Variants in PLA2G6 observed in about 807,000 individuals in gnomAD.
The protein encoded by PLA2G6 is phospholipase A2 group VI.
In PLA2G6, 62 loss-of-function variants were observed where a neutral mutation model predicts 83.8. That is an observed-to-expected ratio of 0.74 (90% confidence interval 0.60 to 0.91). PLA2G6 has a LOEUF of 0.91. Among genes scored for constraint, PLA2G6 ranks in the 40% least tolerant of loss-of-function variants. The pLI, the probability that PLA2G6 is intolerant of heterozygous loss-of-function variation, is 0.00. For synonymous variants in PLA2G6, 417 were observed against 449.8 expected, an observed-to-expected ratio of 0.93 and a Z score of 0.92; for missense variants, 944 against 1,102.0, an observed-to-expected ratio of 0.86 and a Z score of 2.03.
Position 38,123,395 on chromosome 22 carries a change from T to C in PLA2G6, c.1428-137A>G, listed in dbSNP as rs541506726. On this transcript the variant is annotated intron_variant, in intron 10 of 16. Coordinates refer to ENST00000332509, the MANE Select transcript of PLA2G6 (RefSeq NM_003560.4). The surrounding 1 kb of genome is among the most constrained non-coding windows in gnomAD (Gnocchi z 4.1). ...ACGGACCCGAGGAACTTCTGTCCTA[T>C]GCAGGACAGCGAGGGTGGGGGTGAG... 17 of 864,614 alleles carry C rather than the reference T, an allele frequency of 2.0e-5. No homozygotes were observed. Among genetic ancestry groups the C allele is most frequent in the Non-Finnish European group, 3.2e-5 (17 of 534,200 alleles). The allele number at this position is 864,614 out of a possible 1,614,324, so 53.6% of individuals were successfully genotyped here.
intron 2 of PLA2G6, 178 bp from the exon 3 acceptor site, chr22:38,145,831 A>ACC: frequency 1.7e-6 from 1 of 601,374 alleles, no homozygotes; most frequent in East Asian, 3.0e-5. Context: ...ACACACACAC[A>ACC]CACCCCTATA....
At chr22:38,135,485 C>T (rs1323628779) in intron 5 of PLA2G6, 2 of 241,888 alleles carry the variant, frequency 8.3e-6, no homozygotes, top group Non-Finnish European at 1.7e-5. Flanking sequence ...CACAGCCACC[C>T]TCCACCTCCT....
At chr22:38,121,647 G>A (rs1317736392) in intron 11 of PLA2G6, among the ~76,000 whole-genome samples, 1 of 152,184 alleles carries the variant, frequency 6.6e-6, no homozygotes, top group Non-Finnish European at 1.5e-5. Flanking sequence ...GCTGAAAGGA[G>A]GCCATCTGCC....
rs1324916801 is a variant in PLA2G6 at position 38,113,532 on chromosome 22, C to T, written c.2157G>A (p.Lys719=). ...FRPSNPWELA[K]TVFGAKELGK... ...CCAGTTCCTTGGCCCCAAAAACAGTCTTGGCCAGCTCCCAGGGGTTGCTGG... is the reference window on the plus strand; with the variant it reads ...CCAGTTCCTTGGCCCCAAAAACAGTTTTGGCCAGCTCCCAGGGGTTGCTGG... The change falls in exon 15 of 17, where the codon AAG becomes AAA. Residue 719 remains lysine (K), a synonymous_variant. Coordinates refer to ENST00000332509, the MANE Select transcript of PLA2G6 (RefSeq NM_003560.4). The T allele has an allele frequency of 6.2e-7, 1 of 1,613,990 alleles. No homozygotes were observed. Among genetic ancestry groups the T allele is most frequent in the Admixed American group, 1.7e-5 (1 of 60,002 alleles).
chr22:38,123,254 C>G lies in PLA2G6; in HGVS notation c.1432G>C (p.Asp478His), dbSNP rs751693627. The G allele has an allele frequency of 3.8e-6, 6 of 1,558,754 alleles. No homozygotes were observed. The change falls in exon 11 of 17, where the codon GAC (aspartate) becomes CAC (histidine). Residue 478 changes from aspartate (D) to histidine (H), a missense_variant. By Grantham distance (81) the Asp-to-His change is moderately conservative (BLOSUM62 -1). Transcript: ENST00000332509. The surrounding 1 kb of genome is among the most constrained non-coding windows in gnomAD (Gnocchi z 4.1). ...CCTCCATCCAGGCACAGCAGGTGGT[C>G]GTGGCTGCAGTGGGAACAGCAGTGG... ...GSMRDEKRTHDHLLCLDGGGV... is the reference protein window; with the variant it reads ...GSMRDEKRTHHHLLCLDGGGV...
At chr22:38,127,592 GA>G in intron 9 of PLA2G6, 1 of 534,914 alleles carries the variant, frequency 1.9e-6, no homozygotes, top group Non-Finnish European at 3.3e-6. Context: ...TACCCTGGCT[GA>G]AGGTGCTGCC....
Position 38,123,827 on chromosome 22 carries a change from C to A in PLA2G6, c.1428-569G>T, listed in dbSNP as rs1267629229. On this transcript the variant is annotated intron_variant, in intron 10 of 16. Transcript: ENST00000332509. The surrounding 1 kb of genome is among the most constrained non-coding windows in gnomAD (Gnocchi z 4.1). ...CAAACGCCTCTGAGGCAGACCCTCC[C>A]TGACATCCCTGTGCTTATTTATTTA... Among the ~76,000 whole-genome samples the A allele has an allele frequency of 6.6e-6, 1 of 152,140 alleles. No individual in the cohort carries two copies. Among genetic ancestry groups the A allele is most frequent in the African/African-American group, 2.4e-5 (1 of 41,422 alleles).
rs950716384 is a variant in PLA2G6 at position 38,174,738 on chromosome 22, G to A, written c.-45-5267C>T. Among the ~76,000 whole-genome samples the A allele has an allele frequency of 4.6e-5, 7 of 152,300 alleles. No individual in the cohort carries two copies. In the East Asian group the frequency reaches 1.2e-3, roughly 25 times the overall value. ...GGGCTTGCTCAGCCCACCCATGAAC[G>A]GTGAGCATTTTCACTGGGACTGGAC... On this transcript the variant is annotated intron_variant, in intron 1 of 16. Transcript: ENST00000332509.
intron 10 of PLA2G6, among the ~76,000 whole-genome samples, chr22:38,124,394 G>A (rs1312969045): frequency 1.3e-5 from 2 of 152,256 alleles, no homozygotes; most frequent in African/African-American, 4.8e-5. Flanking sequence ...CAGGTCTGCC[G>A]CCTCCTGAGT....
In PLA2G6 at chr22:38,143,217, T is replaced by G; in HGVS notation, c.497A>C (p.Glu166Ala). 6.2e-7 allele frequency: 1 copy of G among 1,614,098 alleles called. No homozygotes were observed. The highest frequency in any genetic ancestry group is 1.3e-5 in the African/African-American group (1 of 75,024). The change falls in exon 4 of 17, where the codon GAG (glutamate) becomes GCG (alanine). Residue 166 changes from glutamate to alanine, a missense_variant. Glu to Ala is a moderately radical substitution (Grantham distance 107). Transcript: ENST00000332509. ...GTACTGCACCAGCTCCACCAGGATC[T>G]CCCCATCACCCTTGCGGCAGGCCAG... ...LHLACRKGDG[E>A]ILVELVQYCH...
intron 2 of PLA2G6, 66 bp from the exon 3 acceptor site, chr22:38,145,719 T>TG (rs1469402972): frequency 2.6e-6 from 3 of 1,173,938 alleles, no homozygotes; most frequent in Non-Finnish European, 3.7e-6. Flanking sequence ...CCCACATCCC[T>TG]GCTGGAATCA....
intron 1 of PLA2G6, chr22:38,180,356 G>C (rs1199792560): frequency 6.6e-6 from 1 of 152,222 alleles, no homozygotes; most frequent in East Asian, 1.9e-4. Context: ...ACAGGCTCTG[G>C]TGTCAGATTC....
At chr22:38,169,062 C>T (rs2090333328) in intron 2 of PLA2G6, among the ~76,000 whole-genome samples, 156 bp downstream of exon 2, 1 of 151,956 alleles carries the variant, frequency 6.6e-6, no homozygotes, top group African/African-American at 2.4e-5. Flanking sequence ...GAAGCCCTTC[C>T]CTCTGGTCCA....
chr22:38,162,621 G>A (rs1003369180), intron 2 of PLA2G6, among the ~76,000 whole-genome samples: 1 of 152,220 alleles, frequency 6.6e-6, no homozygotes, highest in Admixed American at 6.5e-5. Flanking sequence ...TCATGTGAAT[G>A]TGGAGGGTCA....
chr22:38,165,741 G>A (rs1362216688), intron 2 of PLA2G6, among the ~76,000 whole-genome samples: 1 of 152,066 alleles, frequency 6.6e-6, no homozygotes. Context: ...TTAACTGGGC[G>A]TGGTGGCGGG....
intron 1 of PLA2G6, among the ~76,000 whole-genome samples, chr22:38,176,970 G>C (rs4820320): frequency 2.0e-5 from 3 of 150,824 alleles, no homozygotes; most frequent in African/African-American, 7.3e-5. Context: ...CTTTGAACCC[G>C]AGAGGCAGAG....
At chr22:38,148,536 G>C in intron 2 of PLA2G6, 1 of 717,290 alleles carries the variant, frequency 1.4e-6, no homozygotes, top group Non-Finnish European at 2.6e-6. Flanking sequence ...GCAGTGTTCA[G>C]GTGGCTGTTA....
At position 38,140,067 on chromosome 22, in the gene PLA2G6, C is replaced by G. The variant is rs781706286; in HGVS notation, c.712G>C (p.Val238Leu). Residue 238 changes from valine to leucine, a missense_variant, in exon 5 of 17, where the codon GTG becomes CTG. Physicochemically the swap from Val to Leu is conservative, Grantham distance 32. Transcript: ENST00000332509. ...CQLGKQEMVRVLLLCNARCNI... is the reference protein window; with the variant it reads ...CQLGKQEMVRLLLLCNARCNI... ...CACCGAGCATTGCACAGCAGCAGCACGCGGACCATCTCCTGCTTCCCCAGC... is the reference window on the plus strand; with the variant it reads ...CACCGAGCATTGCACAGCAGCAGCAGGCGGACCATCTCCTGCTTCCCCAGC... 1 of 1,613,966 alleles carries G rather than the reference C, an allele frequency of 6.2e-7. No individual in the cohort carries two copies. The highest frequency in any genetic ancestry group is 1.7e-5 in the Admixed American group (1 of 60,000).
At chr22:38,146,506 A>G (rs2089268089) in intron 2 of PLA2G6, 1 of 151,486 alleles carries the variant, frequency 6.6e-6, no homozygotes, top group Non-Finnish European at 1.5e-5. Flanking sequence ...ATTTTGAAAA[A>G]CTTTCCTTTT....
Sources: gnomAD v4.1 joint callset for allele counts (sites outside exome capture counted in the v4.1 genomes callset) on GRCh38, gnomAD v4.1.1 for gene constraint, Gnocchi (gnomAD v3.1) non-coding constraint, MANE v1.5 for transcripts, NCBI Gene and HGNC (gene_info 2026-07-23, HGNC 2026-07-21) for gene names.